Variants in RNF14 observed in about 807,000 individuals in gnomAD.
RNF14 encodes E3 ubiquitin-protein ligase RNF14.
Under a neutral mutation model 52.6 loss-of-function variants are expected in RNF14, and 26 were observed. The ratio of observed to expected loss-of-function variants is 0.49; its 90% CI spans 0.36 to 0.69. RNF14 has a LOEUF of 0.69. Among genes scored for constraint, RNF14 ranks in the 30% least tolerant of loss-of-function variants. RNF14 has a pLI of 0.00. For synonymous variants in RNF14, 194 were observed against 202.0 expected, an observed-to-expected ratio of 0.96 and a Z score of 0.34; for missense variants, 404 against 560.4, an observed-to-expected ratio of 0.72 and a Z score of 2.82.
upstream of RNF14, among the ~76,000 whole-genome samples, chr5:141,964,947 A>T (rs190239560): frequency 0.019 from 2,816 of 148,318 alleles, 89 homozygotes; most frequent in African/African-American, 0.069. Context: ...AATTTTTTTT[A>T]AAAAAAAACA....
In RNF14 at chr5:141,978,644, AT is replaced by A; in HGVS notation, c.650del (p.Leu217CysfsTer31). 1 of 1,613,986 alleles carries A rather than the reference AT, an allele frequency of 6.2e-7. No homozygotes were observed. The highest frequency in any genetic ancestry group is 8.5e-7 in the Non-Finnish European group (1 of 1,179,882). ...AGCAGATAAAATGCTTTAATAGTAA[AT>A]TGTTCCTGTGCAGTATCTGTTTCTG... ...AQQIKCFNSKLFLCSICFCEK... is the reference protein window; with the variant it reads ...AQQIKCFNSKXFLCSICFCEK... On this transcript the variant is annotated frameshift_variant, in exon 5 of 9. Transcript: ENST00000394520. LOFTEE classifies it high-confidence loss of function.
At chr5:141,977,009 ACCAAC>A (rs1283873988) in intron 4 of RNF14, among the ~76,000 whole-genome samples, 1 of 151,912 alleles carries the variant, frequency 6.6e-6, no homozygotes, top group African/African-American at 2.4e-5. Context: ...CAGGCTGATC[ACCAAC>A]CCCTGACCTC....
chr5:141,959,284 C>T (rs906305826), intron 1 of RNF14, among the ~76,000 whole-genome samples: 27 of 152,176 alleles, frequency 1.8e-4, no homozygotes, highest in Non-Finnish European at 3.2e-4. Flanking sequence ...TCCTTTGCTG[C>T]CCCCAACTCT....
At chr5:141,978,952 T>C (rs1017659661) in intron 5 of RNF14, 122 bp downstream of exon 5, 1 of 1,036,078 alleles carries the variant, frequency 9.7e-7, no homozygotes, top group Non-Finnish European at 1.4e-6. Flanking sequence ...AGCCCACAAG[T>C]TGTTTTGCTG....
At chr5:141,976,611 T>C (rs1422562230) in intron 4 of RNF14, among the ~76,000 whole-genome samples, 2 of 152,150 alleles carry the variant, frequency 1.3e-5, no homozygotes, top group East Asian at 1.9e-4. Context: ...CTGTTAATGG[T>C]GAAATTGACA....
chr5:141,985,132 A>G (rs1004101797), intron 8 of RNF14, among the ~76,000 whole-genome samples, 199 bp downstream of exon 8: 1 of 81,568 alleles, frequency 1.2e-5, no homozygotes, highest in South Asian at 5.4e-4. Flanking sequence ...GGAAGTTTTT[A>G]TAGTGAAAGT....
At chr5:141,960,329 G>A (rs1004209819) in intron 1 of RNF14, among the ~76,000 whole-genome samples, 2 of 152,240 alleles carry the variant, frequency 1.3e-5, no homozygotes, top group African/African-American at 4.8e-5. Flanking sequence ...CTGGGGGTCC[G>A]GGAGGCTCCT....
chr5:141,972,456 G>A (rs1753867482), intron 2 of RNF14, among the ~76,000 whole-genome samples: 2 of 151,986 alleles, frequency 1.3e-5, no homozygotes. Context: ...GTATCTAGTG[G>A]GTAAAAGCCA....
chr5:141,957,884 A>G (rs1753214581), upstream of RNF14: 1 of 1,574,120 alleles, frequency 6.4e-7, no homozygotes, highest in Non-Finnish European at 8.6e-7. This position sits in a 1 kb window ranked among gnomAD's most constrained non-coding sequence, Gnocchi z 4.3. Context: ...TTCAGAAACC[A>G]CTAGAGTTCT....
At chr5:141,979,232 G>GTT (rs1491336164) in intron 5 of RNF14, among the ~76,000 whole-genome samples, 3,223 of 50,062 alleles carry the variant, frequency 0.064, 112 homozygotes, top group African/African-American at 0.19. Flanking sequence ...AGGTGGTGGT[G>GTT]GTGTTGTTGT....
chr5:141,978,901 TC>T (rs890487173), intron 5 of RNF14, 71 bp downstream of exon 5: 65 of 1,529,058 alleles, frequency 4.3e-5, no homozygotes, highest in Middle Eastern at 3.5e-4. Context: ...CTCAGGAACT[TC>T]CTTGATAGGG....
the RNF14 span, chr5:141,951,442 G>T: frequency 7.4e-7 from 1 of 1,358,476 alleles, no homozygotes; most frequent in Non-Finnish European, 1.1e-6. Context: ...CAGTGATGAG[G>T]GGCGGCCAGT....
intron 4 of RNF14, among the ~76,000 whole-genome samples, chr5:141,976,934 G>A (rs779891083): frequency 4.6e-5 from 7 of 151,882 alleles, no homozygotes; most frequent in Admixed American, 6.6e-5. Flanking sequence ...GAATACAGGC[G>A]CCCGCCACCA....
chr5:141,983,283 A>C (rs1754940618), intron 6 of RNF14, 97 bp from the exon 7 acceptor site: 1 of 953,860 alleles, frequency 1.0e-6, no homozygotes, highest in Non-Finnish European at 1.6e-6. Context: ...TTCTAGGAAT[A>C]ACATTATTGA....
At chr5:141,982,540 G>C (rs1374504896) in intron 6 of RNF14, 1 of 152,176 alleles carries the variant, frequency 6.6e-6, no homozygotes, top group Non-Finnish European at 1.5e-5. Context: ...TTAATTAATT[G>C]TATTGAAAAA....
Position 141,990,172 on chromosome 5 carries a change from C to T in RNF14, c.*2382C>T, listed in dbSNP as rs1755511331. The T allele has an allele frequency of 6.6e-6, 1 of 152,122 alleles. No homozygotes were observed. The highest frequency in any genetic ancestry group is 1.5e-5 in the Non-Finnish European group (1 of 68,014). The allele number at this position is 152,122 out of a possible 1,614,324, so 9.4% of individuals were successfully genotyped here. ...TAAGATGTATAGTTTTGGTAGAGTA[C>T]TTTTGTCTCAGTAAAATGAAAGATT... On this transcript the variant is annotated 3_prime_UTR_variant, in exon 9 of 9. Coordinates refer to ENST00000394520, the MANE Select transcript of RNF14 (RefSeq NM_004290.5).
chr5:141,955,697 C>A, upstream of RNF14: 11 of 1,614,162 alleles, frequency 6.8e-6, no homozygotes, highest in Non-Finnish European at 6.8e-6. The surrounding 1 kb of genome is among the most constrained non-coding windows in gnomAD (Gnocchi z 5.5). Context: ...AGGCAGATCA[C>A]CGTCAGCATC....
In RNF14 at chr5:141,984,790, T is replaced by C; in HGVS notation, c.1237-13T>C. 6.2e-7 allele frequency: 1 copy of C among 1,613,426 alleles called. No individual in the cohort carries two copies. ...CAGCCTTGATATTTTTCTCTTTCTA[T>C]CCTTCCCACCAGAAATTAGACGGAT... is the stretch of plus-strand genomic sequence containing the variant. On this transcript the variant is annotated splice_polypyrimidine_tract_variant and intron_variant, in intron 7 of 8. Transcript: ENST00000394520.
upstream of RNF14, among the ~76,000 whole-genome samples, chr5:141,962,377 A>G (rs1335462077): frequency 6.6e-6 from 1 of 152,240 alleles, no homozygotes; most frequent in Non-Finnish European, 1.5e-5. Flanking sequence ...AAAGCTTTAC[A>G]AAATACCAGG....
Sources: allele counts gnomAD v4.1 joint callset (sites outside exome capture counted in the v4.1 genomes callset), GRCh38; gene constraint gnomAD v4.1.1; non-coding constraint Gnocchi (gnomAD v3.1); transcripts MANE v1.5; gene names NCBI Gene and HGNC (gene_info 2026-07-23, HGNC 2026-07-21).